The following SYNRG variants were observed in gnomAD, a reference collection of about 807,000 sequenced individuals.
The protein encoded by SYNRG is AP1 gamma subunit binding protein 1.
Under a neutral mutation model 130.9 loss-of-function variants are expected in SYNRG, and 37 were observed. The observed-to-expected ratio is 0.28, with a 90% confidence interval of 0.22 to 0.37. SYNRG has a LOEUF of 0.37. SYNRG is among the 10% of genes least tolerant of loss of function. The pLI, the probability that SYNRG is intolerant of heterozygous loss-of-function variation, is 1.00. For synonymous variants in SYNRG, 539 were observed against 568.1 expected (o/e 0.95, Z 0.73); for missense variants, 1,338 against 1,588.9 (o/e 0.84, Z 2.68).
At chr17:37,570,298 C>T (rs1473334179) in intron 10 of SYNRG, among the ~76,000 whole-genome samples, 1 of 151,974 alleles carries the variant, frequency 6.6e-6, no homozygotes, top group Non-Finnish European at 1.5e-5. Context: ...ACTACAGGTA[C>T]ACACTATCAT....
At chr17:37,604,206 C>T (rs959320610) in intron 1 of SYNRG, among the ~76,000 whole-genome samples, 1 of 150,716 alleles carries the variant, frequency 6.6e-6, no homozygotes, top group Non-Finnish European at 1.5e-5. Context: ...CGCCACTGCA[C>T]TCCAGCCTGG....
At chr17:37,589,340 G>A (rs987570161) in intron 3 of SYNRG, among the ~76,000 whole-genome samples, 22 of 152,206 alleles carry the variant, frequency 1.4e-4, no homozygotes, top group African/African-American at 5.3e-4. Context: ...GATATTTACT[G>A]ATGCAAGGAA....
chr17:37,569,023 C>A, intron 10 of SYNRG, 99 bp from the exon 11 acceptor site: 2 of 1,325,698 alleles, frequency 1.5e-6, no homozygotes, highest in East Asian at 2.3e-5. Flanking sequence ...TAAAATTTCT[C>A]AGTTTAGATA....
chr17:37,598,982 T>C (rs1466821754), intron 2 of SYNRG, among the ~76,000 whole-genome samples: 1 of 152,196 alleles, frequency 6.6e-6, no homozygotes, highest in East Asian at 1.9e-4. Context: ...ATGAAAAGAA[T>C]ACAACTGAGC....
chr17:37,605,266 A>C (rs1307726498), intron 1 of SYNRG, among the ~76,000 whole-genome samples: 1 of 152,268 alleles, frequency 6.6e-6, no homozygotes, highest in Non-Finnish European at 1.5e-5. Flanking sequence ...CATTTAAGTA[A>C]TCAAGCTGTC....
At chr17:37,570,125 G>A (rs898975381) in intron 10 of SYNRG, among the ~76,000 whole-genome samples, 16 of 143,818 alleles carry the variant, frequency 1.1e-4, no homozygotes, top group Non-Finnish European at 2.1e-4. Flanking sequence ...TAGGATAGAA[G>A]ATATAGACAT....
chr17:37,521,074 C>T (rs1207995304), intron 19 of SYNRG, among the ~76,000 whole-genome samples: 1 of 151,266 alleles, frequency 6.6e-6, no homozygotes, highest in African/African-American at 2.4e-5. Flanking sequence ...ACTCTGTCGC[C>T]CAGGCTGGAG....
At chr17:37,577,960 A>G (rs940456439) in intron 6 of SYNRG, among the ~76,000 whole-genome samples, 10 of 150,962 alleles carry the variant, frequency 6.6e-5, no homozygotes, top group African/African-American at 2.2e-4. Context: ...TCAGCCTCCC[A>G]AAGTGCTGGG....
At chr17:37,607,798 A>G (rs753769708) in intron 1 of SYNRG, among the ~76,000 whole-genome samples, 2 of 152,110 alleles carry the variant, frequency 1.3e-5, no homozygotes, top group Admixed American at 6.6e-5. Flanking sequence ...CAATCGATCA[A>G]TCAACAAAAT....
intron 19 of SYNRG, among the ~76,000 whole-genome samples, chr17:37,523,100 T>C (rs1426017638): frequency 6.6e-6 from 1 of 152,152 alleles, no homozygotes; most frequent in South Asian, 2.1e-4. Flanking sequence ...AACTAGAATG[T>C]TTTAAGTATT....
chr17:37,561,706 TA>T, intron 11 of SYNRG, 117 bp from the exon 12 acceptor site: 2 of 685,012 alleles, frequency 2.9e-6, no homozygotes, highest in Non-Finnish European at 5.0e-6. Context: ...CTCTCTGCTT[TA>T]AAAGTTAGAA....
intron 1 of SYNRG, among the ~76,000 whole-genome samples, chr17:37,601,748 T>G (rs1053813823): frequency 4.6e-5 from 7 of 152,100 alleles, no homozygotes; most frequent in Non-Finnish European, 7.4e-5. Context: ...CACTGCAACC[T>G]CCGCCTGCCA....
At chr17:37,591,365 T>C (rs2062174336) in intron 3 of SYNRG, among the ~76,000 whole-genome samples, 1 of 152,206 alleles carries the variant, frequency 6.6e-6, no homozygotes, top group Non-Finnish European at 1.5e-5. Flanking sequence ...AGACATCTCA[T>C]ATTGATATGT....
At chr17:37,525,786 T>A (rs897008216) in intron 19 of SYNRG, among the ~76,000 whole-genome samples, 1 of 152,104 alleles carries the variant, frequency 6.6e-6, no homozygotes, top group Non-Finnish European at 1.5e-5. Context: ...GCCAACATGG[T>A]GAAACCCCGT....
At chr17:37,592,214 G>A (rs1314404673) in intron 3 of SYNRG, among the ~76,000 whole-genome samples, 1 of 152,120 alleles carries the variant, frequency 6.6e-6, no homozygotes, top group Non-Finnish European at 1.5e-5. Flanking sequence ...AACACCATCT[G>A]CACATTAAAA....
intron 6 of SYNRG, among the ~76,000 whole-genome samples, chr17:37,582,971 T>A (rs553556585): frequency 3.8e-4 from 57 of 151,968 alleles, no homozygotes; most frequent in Admixed American, 4.6e-4. Flanking sequence ...ACTCTTTTTA[T>A]AAATACTTTA....
intron 19 of SYNRG, chr17:37,529,718 A>C: frequency 6.8e-7 from 1 of 1,466,624 alleles, no homozygotes. Context: ...CAACCCAGGA[A>C]TCTCCCCACT....
intron 11 of SYNRG, among the ~76,000 whole-genome samples, chr17:37,562,141 A>C (rs1044616552): frequency 2.0e-5 from 3 of 152,228 alleles, no homozygotes; most frequent in Admixed American, 6.5e-5. Flanking sequence ...ATTGTACTGC[A>C]CTGCCTACTG....
At chr17:37,567,837 A>T (rs534246495) in intron 11 of SYNRG, 17 of 152,370 alleles carry the variant, frequency 1.1e-4, no homozygotes, top group Non-Finnish European at 1.9e-4. Flanking sequence ...TTCGAAAAAT[A>T]AAACCAAAGG....
Sources: allele counts gnomAD v4.1 joint callset (sites outside exome capture counted in the v4.1 genomes callset), GRCh38; gene constraint gnomAD v4.1.1; transcripts MANE v1.5; gene names NCBI Gene and HGNC (gene_info 2026-07-23, HGNC 2026-07-21).